Variants in USP43 observed in about 807,000 individuals in gnomAD.
USP43 encodes ubiquitin specific peptidase 43.
Under a neutral mutation model 90.7 loss-of-function variants are expected in USP43, and 33 were observed. The ratio of observed to expected loss-of-function variants is 0.36; its 90% CI spans 0.28 to 0.49. The LOEUF (loss-of-function observed/expected upper bound fraction) is 0.49. Ranked by LOEUF, USP43 falls within the 20% of genes least tolerant of loss-of-function variation. USP43 has a pLI of 0.98. For missense variants in USP43, 1,274 were observed against 1,476.4 expected, an observed-to-expected ratio of 0.86 and a Z score of 2.25; for synonymous variants, 598 against 615.8, an observed-to-expected ratio of 0.97 and a Z score of 0.43.
chr17:9,700,591 C>A (rs1915513544), intron 10 of USP43, among the ~76,000 whole-genome samples: 1 of 152,146 alleles, frequency 6.6e-6, no homozygotes, highest in Non-Finnish European at 1.5e-5. Context: ...CTTAATCACA[C>A]CCTATGTGTG....
chr17:9,679,759 A>G (rs1321727825), intron 5 of USP43, among the ~76,000 whole-genome samples: 2 of 152,096 alleles, frequency 1.3e-5, no homozygotes, highest in Non-Finnish European at 2.9e-5. Flanking sequence ...CTTCAGCATC[A>G]GGGTAACAGA....
intron 2 of USP43, among the ~76,000 whole-genome samples, chr17:9,659,893 G>C (rs1372799562): frequency 6.6e-6 from 1 of 152,124 alleles, no homozygotes; most frequent in Admixed American, 6.5e-5. Context: ...TCCTGTTCAT[G>C]GTAGCATTAG....
At position 9,653,452 on chromosome 17, in the gene USP43, G is replaced by A. The variant is rs758695365; in HGVS notation, c.505-2951G>A. ...AAAATTCAAAAATTAGCCAGGTGTG[G>A]TGGCAGGCCCCTGTAATCCCAGCTA... On this transcript the variant is annotated intron_variant, in intron 1 of 14. Transcript: ENST00000285199. 1.2e-4 allele frequency among the ~76,000 whole-genome samples: 19 copies of A among 152,316 alleles called. 1 individual carries two copies. The highest frequency in any genetic ancestry group is 2.6e-4 in the Non-Finnish European group (18 of 68,034).
rs146720461 is a variant in USP43 at position 9,680,697 on chromosome 17, G to A, written c.1105+331G>A. Among the ~76,000 whole-genome samples the A allele has an allele frequency of 3.1e-3, 472 of 152,116 alleles. 1 individual carries two copies. The highest frequency in any genetic ancestry group is 6.3e-3 in the Admixed American group (96 of 15,252). ...TCTAACCAAGTTCCCAGGTGATGCCGATGCTGCTGGTCCAGGAACCACACT... is the reference window on the plus strand; with the variant it reads ...TCTAACCAAGTTCCCAGGTGATGCCAATGCTGCTGGTCCAGGAACCACACT... On this transcript the variant is annotated intron_variant, in intron 6 of 14. Transcript: ENST00000285199.
intron 1 of USP43, among the ~76,000 whole-genome samples, chr17:9,648,281 T>C (rs1218653701): frequency 6.6e-6 from 1 of 152,204 alleles, no homozygotes; most frequent in East Asian, 1.9e-4. Flanking sequence ...ATATTATGGA[T>C]TGAAATCTAG....
intron 2 of USP43, among the ~76,000 whole-genome samples, chr17:9,661,366 A>AT (rs1318672724): frequency 1.2e-3 from 181 of 151,646 alleles, no homozygotes; most frequent in African/African-American, 4.1e-3. Context: ...TTATTTATTT[A>AT]TTTTTTTTGA....
intron 14 of USP43, 124 bp from the exon 15 acceptor site, chr17:9,727,830 C>A (rs2152005255): frequency 9.1e-7 from 1 of 1,098,862 alleles, no homozygotes; most frequent in Non-Finnish European, 1.3e-6. Flanking sequence ...GTGGCTTCTT[C>A]ACTGCTGTGT....
At position 9,728,452 on chromosome 17, in the gene USP43, C is replaced by T; in HGVS notation, c.2834C>T (p.Ala945Val). ...CCTTCAGTGGAGCATGAGAAACCAG[C>T]TCGACCGGAGGGCCAGAAGGCCATG... Reference protein sequence around the residue: ...VMPSVEHEKPARPEGQKAMNW... With the variant: ...VMPSVEHEKPVRPEGQKAMNW... Residue 945 changes from alanine to valine, a missense_variant, in exon 15 of 15, where the codon GCT becomes GTT. This residue lies in a region of USP43 where 353 missense variants were observed against 329.7 expected (regional missense o/e 1.07). Coordinates refer to ENST00000285199, the MANE Select transcript of USP43 (RefSeq NM_153210.5). This position sits in a 1 kb window ranked among gnomAD's most constrained non-coding sequence, Gnocchi z 6.2. 2 of 1,612,666 alleles carry T rather than the reference C, an allele frequency of 1.2e-6. No individual in the cohort carries two copies. The highest frequency in any genetic ancestry group is 1.7e-6 in the Non-Finnish European group (2 of 1,179,334).
At position 9,667,898 on chromosome 17, in the gene USP43, G is replaced by A. The variant is rs564022168; in HGVS notation, c.740+1147G>A. 3.4e-4 allele frequency among the ~76,000 whole-genome samples: 52 copies of A among 152,270 alleles called. 1 individual carries two copies. In the Middle Eastern group the frequency reaches 0.01, roughly 30 times the overall value. ...TTTAAGCCTTACAAAAGTCTCAGGG[G>A]ATGAGTATTAAAATTTGGGAAGTTG... On this transcript the variant is annotated intron_variant, in intron 3 of 14. Transcript: ENST00000285199.
At chr17:9,695,607 A>G (rs1478689645) in intron 9 of USP43, among the ~76,000 whole-genome samples, 1 of 152,210 alleles carries the variant, frequency 6.6e-6, no homozygotes, top group Non-Finnish European at 1.5e-5. Context: ...TGCTGGGATT[A>G]CAGGCATGAG....
intron 14 of USP43, among the ~76,000 whole-genome samples, chr17:9,714,478 G>A (rs1441174565): frequency 9.9e-5 from 15 of 151,774 alleles, no homozygotes; most frequent in African/African-American, 2.9e-4. Flanking sequence ...TCAGGAGTTC[G>A]AGACCAGCCT....
intron 7 of USP43, among the ~76,000 whole-genome samples, chr17:9,683,939 C>T (rs950881570): frequency 1.3e-5 from 2 of 151,998 alleles, no homozygotes; most frequent in Admixed American, 1.3e-4. Context: ...AGTTCGAGAC[C>T]ATCCTGGCTA....
At chr17:9,687,387 T>C (rs1597852411) in intron 8 of USP43, among the ~76,000 whole-genome samples, 1 of 152,212 alleles carries the variant, frequency 6.6e-6, no homozygotes. Context: ...AAAATTAAAA[T>C]GGATGATTAT....
At chr17:9,724,516 C>A (rs1048764021) in intron 14 of USP43, among the ~76,000 whole-genome samples, 1 of 152,082 alleles carries the variant, frequency 6.6e-6, no homozygotes, top group Non-Finnish European at 1.5e-5. Context: ...CCAGTCTCTG[C>A]TAAAAATACA....
chr17:9,697,460 AG>A (rs1415887166), intron 9 of USP43, among the ~76,000 whole-genome samples: 6 of 152,046 alleles, frequency 3.9e-5, no homozygotes, highest in African/African-American at 1.4e-4. Context: ...CTCAATAAGT[AG>A]CTTTTCAACC....
rs11305216 is a variant in USP43 at position 9,647,061 on chromosome 17, C to CAAA, written c.504+943_504+945dup. 53 of 79,768 alleles carry CAAA rather than the reference C, an allele frequency of 6.6e-4. 1 individual carries two copies. Among genetic ancestry groups the CAAA allele is most frequent in the African/African-American group, 2.3e-3 (50 of 21,594 alleles). 4.9% of individuals were successfully genotyped at this position (79,768 alleles called of 1,614,324 possible). On this transcript the variant is annotated intron_variant, in intron 1 of 14. Coordinates refer to ENST00000285199, the MANE Select transcript of USP43 (RefSeq NM_153210.5). ...ATTGATGCACATGGCTTGCTTCCTG[C>CAAA]AAAAAAAAAAAAAAAAAAAAGAAAA... is the stretch of plus-strand genomic sequence containing the variant.
chr17:9,649,784 C>T (rs1246348210), intron 1 of USP43, among the ~76,000 whole-genome samples: 1 of 150,788 alleles, frequency 6.6e-6, no homozygotes, highest in Admixed American at 6.6e-5. Flanking sequence ...AAGGTATATA[C>T]AAACAATTGA....
chr17:9,681,335 AATAT>A (rs539711623), intron 6 of USP43, among the ~76,000 whole-genome samples: 1 of 114,708 alleles, frequency 8.7e-6, no homozygotes, highest in Non-Finnish European at 1.7e-5. Context: ...TATATAAATA[AATAT>A]ATATATAAAT....
intron 9 of USP43, among the ~76,000 whole-genome samples, chr17:9,698,427 A>G (rs1915394160): frequency 1.3e-5 from 2 of 152,218 alleles, no homozygotes; most frequent in African/African-American, 2.4e-5. Context: ...CCTCCAGAGC[A>G]TCCTGGGGTG....
Sources: allele counts gnomAD v4.1 joint callset (sites outside exome capture counted in the v4.1 genomes callset), GRCh38; gene constraint gnomAD v4.1.1; regional missense constraint gnomAD v4.1.1; non-coding constraint Gnocchi (gnomAD v3.1); transcripts MANE v1.5; gene names NCBI Gene and HGNC (gene_info 2026-07-23, HGNC 2026-07-21).